Variants in RGS6 observed in about 807,000 individuals in gnomAD.
The protein encoded by RGS6 is regulator of G-protein signaling 6.
A neutral mutation model predicts 78.5 loss-of-function variants in RGS6; 30 were observed. The observed-to-expected ratio is 0.38, with a 90% CI of 0.29 to 0.52. RGS6 has a LOEUF of 0.52. Ranked by LOEUF, RGS6 falls within the 20% of genes least tolerant of loss-of-function variation. RGS6 has a pLI of 0.85. For missense variants in RGS6, 495 were observed against 609.7 expected, an observed-to-expected ratio of 0.81 and a Z score of 1.98; for synonymous variants, 206 against 206.0, an observed-to-expected ratio of 1.00 and a Z score of 0.00.
At chr14:72,341,956 C>T (rs1254623213) in intron 2 of RGS6, among the ~76,000 whole-genome samples, 2 of 152,146 alleles carry the variant, frequency 1.3e-5, no homozygotes, top group Non-Finnish European at 2.9e-5. Context: ...TATTCCAGGA[C>T]ACTGGATGGA....
intron 17 of RGS6, among the ~76,000 whole-genome samples, chr14:72,546,590 C>T (rs1292624615): frequency 6.6e-6 from 1 of 152,222 alleles, no homozygotes; most frequent in African/African-American, 2.4e-5. Context: ...AAAAACCCCA[C>T]TGGTGACTCA....
At chr14:71,888,299 G>T in the RGS6 span, among the ~76,000 whole-genome samples, 1 of 151,880 alleles carries the variant, frequency 6.6e-6, no homozygotes, top group Non-Finnish European at 1.5e-5. Context: ...GTGGTGGTGG[G>T]CACCTGTAAT....
At chr14:72,363,794 A>T (rs1047398761) in intron 3 of RGS6, among the ~76,000 whole-genome samples, 2 of 152,146 alleles carry the variant, frequency 1.3e-5, no homozygotes. Context: ...AAACATCCTT[A>T]AAAATCTTGA....
At chr14:72,266,400 C>T (rs752285014) in intron 2 of RGS6, among the ~76,000 whole-genome samples, 2 of 152,140 alleles carry the variant, frequency 1.3e-5, no homozygotes, top group Non-Finnish European at 2.9e-5. Flanking sequence ...CTGCTGTATT[C>T]GGTGGTTGCA....
intron 3 of RGS6, among the ~76,000 whole-genome samples, chr14:72,385,448 G>C (rs1050680827): frequency 2.0e-5 from 3 of 152,190 alleles, no homozygotes; most frequent in Non-Finnish European, 4.4e-5. Context: ...GGTGTTTCTT[G>C]TGAAAGAATT....
intron 2 of RGS6, among the ~76,000 whole-genome samples, chr14:72,103,786 C>A (rs1030164919): frequency 2.5e-4 from 38 of 152,160 alleles, no homozygotes; most frequent in African/African-American, 9.2e-4. Context: ...AATGACACAT[C>A]GTCACTTCCA....
At chr14:72,106,621 T>C (rs1487520554) in intron 2 of RGS6, among the ~76,000 whole-genome samples, 1 of 152,220 alleles carries the variant, frequency 6.6e-6, no homozygotes, top group Admixed American at 6.5e-5. Context: ...CTTGCCTTTT[T>C]ATAGTTGTGT....
chr14:72,191,344 C>T (rs1398604150), intron 2 of RGS6, among the ~76,000 whole-genome samples: 4 of 152,210 alleles, frequency 2.6e-5, no homozygotes, highest in Non-Finnish European at 5.9e-5. Context: ...CACTGCAGCA[C>T]GGCCAGGCCT....
At chr14:72,597,610 T>A in the RGS6 span, among the ~76,000 whole-genome samples, 1 of 149,746 alleles carries the variant, frequency 6.7e-6, no homozygotes, top group East Asian at 2.1e-4. Context: ...AATTGACACA[T>A]AATAATTGTC....
At chr14:72,157,115 A>C (rs2096783680) in intron 2 of RGS6, among the ~76,000 whole-genome samples, 1 of 152,188 alleles carries the variant, frequency 6.6e-6, no homozygotes. Context: ...TAGGTCTAAT[A>C]TAGGAAGTGT....
intron 2 of RGS6, among the ~76,000 whole-genome samples, chr14:72,071,604 A>G (rs2094409745): frequency 6.6e-6 from 1 of 152,162 alleles, no homozygotes; most frequent in Non-Finnish European, 1.5e-5. Context: ...AGGTGGGTGG[A>G]CTTAATACTT....
At chr14:71,946,786 G>A (rs754617304) in intron 1 of RGS6, among the ~76,000 whole-genome samples, 1 of 152,142 alleles carries the variant, frequency 6.6e-6, no homozygotes, top group Non-Finnish European at 1.5e-5. Context: ...AATGTGCAAA[G>A]AATATTTAAT....
the RGS6 span, among the ~76,000 whole-genome samples, chr14:72,603,625 C>T: frequency 6.6e-6 from 1 of 152,206 alleles, no homozygotes; most frequent in Non-Finnish European, 1.5e-5. Context: ...CCTCAAAGAG[C>T]TAGTCTGATC....
chr14:72,612,161 G>C, the RGS6 span, among the ~76,000 whole-genome samples: 1 of 152,168 alleles, frequency 6.6e-6, no homozygotes, highest in African/African-American at 2.4e-5. Flanking sequence ...GACAACCATG[G>C]CAGATGAGTG....
At chr14:72,058,680 T>G (rs1456924981) in intron 2 of RGS6, among the ~76,000 whole-genome samples, 1 of 152,210 alleles carries the variant, frequency 6.6e-6, no homozygotes, top group African/African-American at 2.4e-5. Context: ...TGAAATTGTT[T>G]CCCAGTCATG....
At chr14:72,010,004 C>A (rs2085353865) in intron 2 of RGS6, among the ~76,000 whole-genome samples, 1 of 152,214 alleles carries the variant, frequency 6.6e-6, no homozygotes, top group Admixed American at 6.5e-5. Flanking sequence ...GTGGCAGCAG[C>A]CTGCCTTAAC....
intron 3 of RGS6, among the ~76,000 whole-genome samples, chr14:72,413,882 T>C (rs2093612932): frequency 6.6e-6 from 1 of 152,260 alleles, no homozygotes; most frequent in South Asian, 2.1e-4. Context: ...TCTTTAAGAA[T>C]GTTGAATATT....
the RGS6 span, among the ~76,000 whole-genome samples, chr14:72,624,475 A>T: frequency 6.6e-4 from 100 of 151,382 alleles, no homozygotes; most frequent in Non-Finnish European, 1.1e-3. Flanking sequence ...AGTAACTGGG[A>T]TTACAGGCAT....
the RGS6 span, among the ~76,000 whole-genome samples, chr14:71,877,704 C>T: frequency 2.4e-4 from 37 of 152,334 alleles, no homozygotes; most frequent in African/African-American, 8.4e-4. Flanking sequence ...CGTTCTCCAT[C>T]CAGCTTTGTT....
Sources: allele counts gnomAD v4.1 joint callset (sites outside exome capture counted in the v4.1 genomes callset), GRCh38; gene constraint gnomAD v4.1.1; transcripts MANE v1.5; gene names NCBI Gene and HGNC (gene_info 2026-07-23, HGNC 2026-07-21).